Variants in RASA3 observed in about 807,000 individuals in gnomAD.
RASA3 encodes the protein RAS p21 protein activator 3, also known as ras GTPase-activating protein 3.
RASA3 carries 73 observed loss-of-function variants against 110.0 expected under a neutral mutation model. The ratio of observed to expected loss-of-function variants is 0.66; its 90% confidence interval spans 0.55 to 0.81. The LOEUF (loss-of-function observed/expected upper bound fraction) is 0.81. Among genes scored for constraint, RASA3 ranks in the 30% least tolerant of loss-of-function variants. The pLI, the probability that RASA3 is intolerant of heterozygous loss-of-function variation, is 0.00. For synonymous variants in RASA3, 500 were observed against 451.4 expected, an observed-to-expected ratio of 1.11 and a Z score of -1.37; for missense variants, 976 against 1,113.2, an observed-to-expected ratio of 0.88 and a Z score of 1.75.
At chr13:114,098,868 G>C (rs2079982377) in intron 1 of RASA3, among the ~76,000 whole-genome samples, 1 of 152,178 alleles carries the variant, frequency 6.6e-6, no homozygotes, top group Non-Finnish European at 1.5e-5. Flanking sequence ...TGCTTCAGCA[G>C]CACAAGAAAA....
intron 1 of RASA3, among the ~76,000 whole-genome samples, chr13:114,074,252 G>A (rs1306434120): frequency 6.6e-6 from 1 of 152,110 alleles, no homozygotes; most frequent in Admixed American, 6.6e-5. Flanking sequence ...CCCAAACGGA[G>A]ACTCGGTCCC....
intron 1 of RASA3, among the ~76,000 whole-genome samples, chr13:114,097,884 C>T (rs890514192): frequency 2.0e-5 from 3 of 152,200 alleles, no homozygotes; most frequent in Non-Finnish European, 2.9e-5. Flanking sequence ...TTGTCTCATT[C>T]GTGACCCTGT....
At chr13:114,019,337 C>T (rs2053865146) in intron 9 of RASA3, among the ~76,000 whole-genome samples, 1 of 152,246 alleles carries the variant, frequency 6.6e-6, no homozygotes, top group East Asian at 1.9e-4. Context: ...GGCTAGTGAG[C>T]CTGGCAGGCC....
At chr13:114,090,368 T>C (rs1020930939) in intron 1 of RASA3, among the ~76,000 whole-genome samples, 1 of 152,242 alleles carries the variant, frequency 6.6e-6, no homozygotes, top group African/African-American at 2.4e-5. Flanking sequence ...TGTTTTGTTT[T>C]ATGATGGCAA....
At chr13:114,001,373 C>T (rs573721729) in intron 18 of RASA3, among the ~76,000 whole-genome samples, 55 of 151,174 alleles carry the variant, frequency 3.6e-4, no homozygotes, top group African/African-American at 1.1e-3. Flanking sequence ...GGAGGACCCG[C>T]GGCCGCGGGC....
chr13:114,072,063 ATCT>A (rs1351355723), intron 2 of RASA3, among the ~76,000 whole-genome samples: 1 of 151,870 alleles, frequency 6.6e-6, no homozygotes, highest in African/African-American at 2.4e-5. Context: ...CTACACGGAC[ATCT>A]TCTCTGATCC....
At chr13:113,992,906 G>A (rs1436182379) in intron 21 of RASA3, among the ~76,000 whole-genome samples, 2 of 152,168 alleles carry the variant, frequency 1.3e-5, no homozygotes, top group African/African-American at 2.4e-5. Flanking sequence ...TTTAAAATGT[G>A]CTTATCATTT....
At position 114,112,953 on chromosome 13, in the gene RASA3, C is replaced by T. The variant is rs943682993; in HGVS notation, c.55+19482G>A. 2.0e-5 allele frequency among the ~76,000 whole-genome samples: 3 copies of T among 152,100 alleles called. No homozygotes were observed. The highest frequency in any genetic ancestry group is 7.2e-5 in the African/African-American group (3 of 41,426). On this transcript the variant is annotated intron_variant, in intron 1 of 23. Transcript: ENST00000334062. This position sits in a 1 kb window ranked among gnomAD's most constrained non-coding sequence, Gnocchi z 4.8. ...GGCTGGAGGGTGGGACTAGGAGGCA[C>T]TAAAGGCCTGGGGGCTCAGAGAAAG...
In RASA3 at chr13:114,112,617, C is replaced by T. The variant is rs1364805286; in HGVS notation, c.55+19818G>A. Among the ~76,000 whole-genome samples, 3 of 151,958 alleles carry T rather than the reference C, an allele frequency of 2.0e-5. No homozygotes were observed. Among genetic ancestry groups the T allele is most frequent in the Non-Finnish European group, 2.9e-5 (2 of 67,986 alleles). On this transcript the variant is annotated intron_variant, in intron 1 of 23. Transcript: ENST00000334062. The surrounding 1 kb of genome is among the most constrained non-coding windows in gnomAD (Gnocchi z 4.8). ...TATGGGGACCCCGCTAGGAGAGCCC[C>T]GGGTTAAGGGTTGGTAACTGGAGAA... is the stretch of plus-strand genomic sequence containing the variant.
In RASA3 at chr13:113,999,575, C is replaced by G; in HGVS notation, c.1932+10G>C. ...AACCCGAAAGAGAGGCTTGGGGGCC[C>G]CACACTCACGTTTTTCATTTTGAAA... On this transcript the variant is annotated intron_variant, in intron 20 of 23. Coordinates refer to ENST00000334062, the MANE Select transcript of RASA3 (RefSeq NM_007368.4). 1 of 1,612,968 alleles carries G rather than the reference C, an allele frequency of 6.2e-7. No individual in the cohort carries two copies.
At chr13:114,101,375 C>A (rs949503988) in intron 1 of RASA3, among the ~76,000 whole-genome samples, 3 of 152,208 alleles carry the variant, frequency 2.0e-5, no homozygotes, top group African/African-American at 7.2e-5. Context: ...CCCCCACGGC[C>A]CACCAGGGGA....
intron 17 of RASA3, 136 bp downstream of exon 17, chr13:114,009,251 A>T: frequency 1.4e-6 from 1 of 704,478 alleles, no homozygotes; most frequent in Non-Finnish European, 2.5e-6. Flanking sequence ...CAGCGCTGTG[A>T]ATGCACCGAA....
Position 114,036,372 on chromosome 13 carries a change from C to T in RASA3, c.372+4628G>A, listed in dbSNP as rs138845342. ...ACTTGCTGGCCTCCCCCATGGGCTG[C>T]TTCTGTGACACTCGCTGTCCGGACA... On this transcript the variant is annotated intron_variant, in intron 4 of 23. Coordinates refer to ENST00000334062, the MANE Select transcript of RASA3 (RefSeq NM_007368.4). Among the ~76,000 whole-genome samples, 910 of 152,378 alleles carry T rather than the reference C, an allele frequency of 6.0e-3. 2 individuals are homozygous for T. Among genetic ancestry groups the T allele is most frequent in the African/African-American group, 0.018 (729 of 41,592 alleles).
At chr13:114,076,143 C>T (rs189319590) in intron 1 of RASA3, among the ~76,000 whole-genome samples, 1 of 152,334 alleles carries the variant, frequency 6.6e-6, no homozygotes, top group Non-Finnish European at 1.5e-5. Context: ...CTCTGGGCCT[C>T]AAAGTCCTGA....
chr13:114,087,255 T>C (rs71449081), intron 1 of RASA3, among the ~76,000 whole-genome samples: 114 of 45,136 alleles, frequency 2.5e-3, no homozygotes, highest in Non-Finnish European at 5.4e-3. Flanking sequence ...GGAGTATTTA[T>C]TCCCTTCGTC....
At chr13:114,121,110 T>C (rs1203148910) in intron 1 of RASA3, among the ~76,000 whole-genome samples, 1 of 152,200 alleles carries the variant, frequency 6.6e-6, no homozygotes, top group African/African-American at 2.4e-5. Flanking sequence ...ATGTTTCTTA[T>C]ACAAATACAA....
In RASA3 at chr13:114,067,886, T is replaced by C. The variant is rs77975959; in HGVS notation, c.173+5834A>G. 1.4e-3 allele frequency among the ~76,000 whole-genome samples: 212 copies of C among 152,338 alleles called. 1 individual carries two copies. The highest frequency in any genetic ancestry group is 4.9e-3 in the African/African-American group (202 of 41,580). On this transcript the variant is annotated intron_variant, in intron 2 of 23. Transcript: ENST00000334062. Reference sequence around the variant, plus strand: ...TGTTCCTTGACTTGTAACTTCTAATTGTACATAAAACACACAAACAAAAGA... The same window carrying C: ...TGTTCCTTGACTTGTAACTTCTAATCGTACATAAAACACACAAACAAAAGA...
chr13:114,038,531 T>C (rs979566974), intron 4 of RASA3, among the ~76,000 whole-genome samples: 10 of 152,244 alleles, frequency 6.6e-5, no homozygotes, highest in Admixed American at 5.2e-4. Flanking sequence ...CCAGGGCTTC[T>C]TGGCTCCACT....
intron 1 of RASA3, among the ~76,000 whole-genome samples, chr13:114,131,496 A>G (rs531049469): frequency 2.2e-4 from 34 of 152,362 alleles, no homozygotes; most frequent in African/African-American, 7.7e-4. Flanking sequence ...AGATCCCTCC[A>G]GATAAACCAG....
Sources: gnomAD v4.1 joint callset for allele counts (sites outside exome capture counted in the v4.1 genomes callset) on GRCh38, gnomAD v4.1.1 for gene constraint, Gnocchi (gnomAD v3.1) non-coding constraint, MANE v1.5 for transcripts, NCBI Gene and HGNC (gene_info 2026-07-23, HGNC 2026-07-21) for gene names.